The following CADM2 variants were observed in gnomAD, a reference collection of about 807,000 sequenced individuals.
CADM2 encodes the protein immunoglobulin superfamily member 4D.
Under a neutral mutation model 49.8 loss-of-function variants are expected in CADM2, and 12 were observed. The observed-to-expected ratio is 0.24, with a 90% CI of 0.15 to 0.39. CADM2 has a LOEUF of 0.39. Ranked by LOEUF, CADM2 falls within the 10% of genes least tolerant of loss-of-function variation. CADM2 has a pLI of 1.00. For missense variants in CADM2, 378 were observed against 492.3 expected (o/e 0.77, Z 2.20); for synonymous variants, 214 against 175.4 (o/e 1.22, Z -1.74).
intron 1 of CADM2, among the ~76,000 whole-genome samples, chr3:85,457,423 A>G (rs1482715703): frequency 6.6e-6 from 1 of 152,108 alleles, no homozygotes; most frequent in Non-Finnish European, 1.5e-5. Flanking sequence ...AAGGAAAAAA[A>G]AAAAATTAAA....
intron 1 of CADM2, among the ~76,000 whole-genome samples, chr3:85,278,016 C>CT (rs914973250): frequency 8.7e-5 from 13 of 149,860 alleles, no homozygotes; most frequent in African/African-American, 1.2e-4. Flanking sequence ...AGTTTCTCCC[C>CT]TTTTTTTTTC....
intron 8 of CADM2, among the ~76,000 whole-genome samples, chr3:86,056,972 T>A (rs899286196): frequency 6.6e-6 from 1 of 152,346 alleles, no homozygotes; most frequent in Middle Eastern, 3.4e-3. Context: ...ATCTGTTGTA[T>A]GATGTAGCCT....
intron 1 of CADM2, among the ~76,000 whole-genome samples, chr3:85,286,026 G>T (rs1021136057): frequency 1.3e-5 from 2 of 152,042 alleles, no homozygotes; most frequent in Non-Finnish European, 2.9e-5. Context: ...GGCTTCTCTA[G>T]GGAAGTAAGG....
intron 1 of CADM2, among the ~76,000 whole-genome samples, chr3:85,596,798 C>T (rs1456555124): frequency 6.6e-6 from 1 of 152,080 alleles, no homozygotes; most frequent in Non-Finnish European, 1.5e-5. Flanking sequence ...CTCAATTAAA[C>T]CTCTGCTTCC....
At chr3:85,135,544 T>A (rs1559682280) in intron 1 of CADM2, among the ~76,000 whole-genome samples, 1 of 152,102 alleles carries the variant, frequency 6.6e-6, no homozygotes. Context: ...ATCATTGTAA[T>A]CAGAAATTAC....
intron 1 of CADM2, among the ~76,000 whole-genome samples, chr3:85,159,571 T>C (rs1168113444): frequency 2.0e-5 from 3 of 152,166 alleles, no homozygotes; most frequent in Non-Finnish European, 2.9e-5. Context: ...GTGCTTATGT[T>C]GTTATCTGTA....
At chr3:85,065,940 T>C (rs1201075550) in intron 1 of CADM2, among the ~76,000 whole-genome samples, 1 of 152,158 alleles carries the variant, frequency 6.6e-6, no homozygotes, top group African/African-American at 2.4e-5. Context: ...CAATGGTGAA[T>C]CTAGGGAGTT....
At chr3:85,055,383 C>T (rs753981365) in intron 1 of CADM2, among the ~76,000 whole-genome samples, 4 of 151,964 alleles carry the variant, frequency 2.6e-5, no homozygotes, top group Non-Finnish European at 5.9e-5. Context: ...TGTTTTCAGA[C>T]ATATCATCAA....
At chr3:85,178,256 G>T (rs2040836989) in intron 1 of CADM2, among the ~76,000 whole-genome samples, 2 of 151,766 alleles carry the variant, frequency 1.3e-5, no homozygotes, top group Admixed American at 6.6e-5. Context: ...GCAGCCCAAA[G>T]AAATATGATC....
At chr3:85,578,879 A>G (rs2062718161) in intron 1 of CADM2, among the ~76,000 whole-genome samples, 2 of 152,164 alleles carry the variant, frequency 1.3e-5, no homozygotes, top group South Asian at 4.1e-4. Flanking sequence ...CACTCCCATT[A>G]TATTTATTTG....
rs1239590532 is a variant in CADM2, at chr3:85,507,178, G to A, written c.62-219344G>A. ...AGAAAGGTTTTTGCCCTGTCACCCA[G>A]TGTATTTTTTTTTTTTTTTTTTTGA... On this transcript the variant is annotated intron_variant, in intron 1 of 9. Transcript: ENST00000383699. 2.8e-5 allele frequency among the ~76,000 whole-genome samples: 4 copies of A among 144,554 alleles called. No individual in the cohort carries two copies. The Admixed American group carries it at 2.8e-4, about 10-fold the overall frequency. 94.8% of individuals were successfully genotyped at this position (144,554 alleles called of 152,430 possible). A position where few individuals can be genotyped will look rare whatever the true frequency, so the allele number is the denominator to read the frequency against.
intron 1 of CADM2, among the ~76,000 whole-genome samples, chr3:85,553,232 A>AATG (rs1413238175): frequency 2.0e-5 from 3 of 152,190 alleles, no homozygotes; most frequent in Non-Finnish European, 2.9e-5. Flanking sequence ...TAATGATGAT[A>AATG]ATGATGATGA....
intron 1 of CADM2, among the ~76,000 whole-genome samples, chr3:85,358,560 G>A (rs1371467015): frequency 6.6e-6 from 1 of 152,056 alleles, no homozygotes; most frequent in African/African-American, 2.4e-5. Context: ...GCATTTTAAT[G>A]TGCCTAATGA....
intron 1 of CADM2, among the ~76,000 whole-genome samples, chr3:85,016,730 T>G (rs2034264653): frequency 6.6e-6 from 1 of 151,402 alleles, no homozygotes; most frequent in Non-Finnish European, 1.5e-5. Context: ...GAGGCAGAGA[T>G]TGTAATGAGC....
chr3:85,656,078 T>A (rs1358213584), intron 1 of CADM2, among the ~76,000 whole-genome samples: 1 of 152,156 alleles, frequency 6.6e-6, no homozygotes. Context: ...CTTCTCATAC[T>A]TCCTACAGTG....
intron 7 of CADM2, among the ~76,000 whole-genome samples, chr3:85,952,131 T>C (rs1723504160): frequency 6.6e-6 from 1 of 150,952 alleles, no homozygotes; most frequent in Non-Finnish European, 1.5e-5. Flanking sequence ...TGTGTCATCA[T>C]GGCGGAGGTG....
chr3:85,916,150 C>A (rs2108490704), intron 6 of CADM2, among the ~76,000 whole-genome samples: 1 of 152,050 alleles, frequency 6.6e-6, no homozygotes, highest in East Asian at 1.9e-4. Flanking sequence ...TTAAATACTG[C>A]CACTATGATG....
intron 1 of CADM2, among the ~76,000 whole-genome samples, chr3:85,088,477 A>T (rs1320362767): frequency 6.6e-6 from 1 of 152,118 alleles, no homozygotes; most frequent in African/African-American, 2.4e-5. Flanking sequence ...GGCACTATTA[A>T]TGAAGTTTGT....
chr3:85,757,327 C>T (rs952009827), intron 2 of CADM2, among the ~76,000 whole-genome samples: 4 of 151,984 alleles, frequency 2.6e-5, no homozygotes, highest in African/African-American at 4.8e-5. Context: ...ACCTACATTA[C>T]GAAAGACAAA....
Sources: allele counts gnomAD v4.1 joint callset (sites outside exome capture counted in the v4.1 genomes callset), GRCh38; gene constraint gnomAD v4.1.1; transcripts MANE v1.5; gene names NCBI Gene and HGNC (gene_info 2026-07-23, HGNC 2026-07-21).